The following OTUD7A variants were observed in gnomAD, a reference collection of about 807,000 sequenced individuals.
OTUD7A encodes OTU domain-containing protein 7A.
A neutral mutation model predicts 65.7 loss-of-function variants in OTUD7A; 12 were observed. That is an observed-to-expected ratio of 0.18 (90% CI 0.12 to 0.30). The LOEUF (loss-of-function observed/expected upper bound fraction) is 0.30. Ranked by LOEUF, OTUD7A falls within the 10% of genes least tolerant of loss-of-function variation. The pLI, the probability that OTUD7A is intolerant of heterozygous loss-of-function variation, is 1.00. For missense variants in OTUD7A, 1,148 were observed against 1,304.8 expected (o/e 0.88, Z 1.85); for synonymous variants, 641 against 586.3 (o/e 1.09, Z -1.35).
At chr15:31,773,278 A>G (rs539532180) in intron 1 of OTUD7A, among the ~76,000 whole-genome samples, 2 of 152,292 alleles carry the variant, frequency 1.3e-5, no homozygotes, top group East Asian at 3.9e-4. Context: ...CACTCAGTCT[A>G]GTTAGTTCAG....
intron 3 of OTUD7A, among the ~76,000 whole-genome samples, chr15:31,626,898 TG>T (rs1408454809): frequency 6.9e-6 from 1 of 144,624 alleles, no homozygotes; most frequent in Non-Finnish European, 1.5e-5. Flanking sequence ...TTTTTTGTTT[TG>T]TTTTTTTGTT....
At chr15:31,535,132 G>C (rs1250461692) in intron 5 of OTUD7A, among the ~76,000 whole-genome samples, 1 of 152,186 alleles carries the variant, frequency 6.6e-6, no homozygotes, top group Non-Finnish European at 1.5e-5. Context: ...TCTGATATCG[G>C]TTTGGCTCTG....
intron 3 of OTUD7A, among the ~76,000 whole-genome samples, chr15:31,620,059 T>C (rs942261511): frequency 6.6e-6 from 1 of 152,236 alleles, no homozygotes; most frequent in Non-Finnish European, 1.5e-5. Context: ...GTTTATATGC[T>C]GGATTACATT....
intron 1 of OTUD7A, among the ~76,000 whole-genome samples, chr15:31,679,900 A>T (rs1190754033): frequency 1.3e-5 from 2 of 152,334 alleles, no homozygotes; most frequent in African/African-American, 2.4e-5. Context: ...ACAGAATAAG[A>T]AGTTCTGGAA....
rs540798683 is a variant in OTUD7A at position 31,722,581 on chromosome 15, C to A, written c.-99-65504G>T. On this transcript the variant is annotated intron_variant, in intron 1 of 12. Coordinates refer to ENST00000307050, the MANE Select transcript of OTUD7A (RefSeq NM_001382637.1). ...CCTGTCAGGGAGACGAGGTTCATCA[C>A]AGAAAGAGGTCTGGGGATGCTGGTT... Among the ~76,000 whole-genome samples, 11 of 152,354 alleles carry A rather than the reference C, an allele frequency of 7.2e-5. No homozygotes were observed. In the South Asian group the frequency reaches 1.7e-3, roughly 23 times the overall value.
intron 1 of OTUD7A, among the ~76,000 whole-genome samples, chr15:31,802,093 G>C (rs1896140804): frequency 1.5e-5 from 1 of 67,800 alleles, no homozygotes; most frequent in African/African-American, 5.0e-5. Flanking sequence ...ATATATATGT[G>C]TGTGTATATA....
chr15:31,812,029 G>A (rs150031165), intron 1 of OTUD7A, among the ~76,000 whole-genome samples: 39 of 152,336 alleles, frequency 2.6e-4, no homozygotes, highest in African/African-American at 8.2e-4. Flanking sequence ...AGCCTTCCCA[G>A]GGATGGGGCA....
rs2041091441 is a variant in OTUD7A, at chr15:31,479,924, AT to A, written c.*3369del. On this transcript the variant is annotated 3_prime_UTR_variant, in exon 13 of 13. Coordinates refer to ENST00000307050, the MANE Select transcript of OTUD7A (RefSeq NM_001382637.1). The stretch of plus-strand genomic sequence containing the variant: ...GTAATTTAGTGAATACAAAGTATTC[AT>A]TTAAGAGGAAAGGTGCAGTACCAAA... The A allele has an allele frequency of 1.3e-5, 2 of 152,254 alleles. No homozygotes were observed. The highest frequency in any genetic ancestry group is 1.9e-4 in the East Asian group (1 of 5,204). 9.4% of individuals were successfully genotyped at this position (152,254 alleles called of 1,614,324 possible).
intron 1 of OTUD7A, among the ~76,000 whole-genome samples, chr15:31,787,010 G>T (rs990220406): frequency 6.6e-6 from 1 of 152,210 alleles, no homozygotes; most frequent in Non-Finnish European, 1.5e-5. Context: ...TCTTAGTGGA[G>T]ACACTGAAAG....
chr15:31,701,435 A>T (rs1258720642), intron 1 of OTUD7A, among the ~76,000 whole-genome samples: 1 of 151,822 alleles, frequency 6.6e-6, no homozygotes, highest in Non-Finnish European at 1.5e-5. Flanking sequence ...TAAAAAGTTT[A>T]AAAAGATGAC....
chr15:31,851,843 GTT>G (rs1411205465), intron 1 of OTUD7A, among the ~76,000 whole-genome samples: 4 of 152,214 alleles, frequency 2.6e-5, no homozygotes, highest in African/African-American at 2.4e-5. Flanking sequence ...GCCATTTTGT[GTT>G]TTGTTTGTTT....
Position 31,559,193 on chromosome 15 carries a change from G to T in OTUD7A, c.332-6C>A. ...CCCCCGGGAAAGCCGCTTTTCTGCA[G>T]GGGGAGAAGGAAAGATAGCCCCAAG... On this transcript the variant is annotated splice_polypyrimidine_tract_variant and splice_region_variant and intron_variant, in intron 4 of 12. Transcript: ENST00000307050. The T allele has an allele frequency of 6.2e-7, 1 of 1,611,612 alleles. No homozygotes were observed. The highest frequency in any genetic ancestry group is 1.3e-5 in the African/African-American group (1 of 75,022).
At chr15:31,553,179 A>C (rs1044389804) in intron 5 of OTUD7A, among the ~76,000 whole-genome samples, 63 of 151,780 alleles carry the variant, frequency 4.2e-4, no homozygotes, top group Admixed American at 2.0e-4. Context: ...AACACCTTCC[A>C]CCCTGGGCGT....
intron 3 of OTUD7A, among the ~76,000 whole-genome samples, chr15:31,633,560 C>T (rs143888697): frequency 6.6e-6 from 1 of 152,268 alleles, no homozygotes; most frequent in East Asian, 1.9e-4. Flanking sequence ...CAGAGATGTG[C>T]CTTATATAGC....
chr15:31,717,461 A>G (rs922453261), intron 1 of OTUD7A, among the ~76,000 whole-genome samples: 44 of 151,426 alleles, frequency 2.9e-4, no homozygotes, highest in African/African-American at 1.1e-3. Context: ...TCATTGTTCA[A>G]CTCCCACTTA....
At chr15:31,540,036 C>T (rs751795530) in intron 5 of OTUD7A, among the ~76,000 whole-genome samples, 3 of 152,100 alleles carry the variant, frequency 2.0e-5, no homozygotes, top group Non-Finnish European at 2.9e-5. Flanking sequence ...ATATTTTGGG[C>T]GAATCTAACT....
At chr15:31,541,707 C>T (rs1012289066) in intron 5 of OTUD7A, among the ~76,000 whole-genome samples, 2 of 152,122 alleles carry the variant, frequency 1.3e-5, no homozygotes, top group African/African-American at 2.4e-5. Context: ...CAACTGCCAA[C>T]GAGTGAAGAC....
chr15:31,511,829 G>T (rs903330365), intron 8 of OTUD7A, among the ~76,000 whole-genome samples: 1 of 148,376 alleles, frequency 6.7e-6, no homozygotes. Context: ...CTCCCCCATG[G>T]GGATTTCTCA....
chr15:31,819,977 A>G (rs992929910), intron 1 of OTUD7A, among the ~76,000 whole-genome samples: 5 of 152,184 alleles, frequency 3.3e-5, no homozygotes, highest in Admixed American at 6.5e-5. Flanking sequence ...TATCATTCAC[A>G]TGGCAACTAA....
Sources: allele counts gnomAD v4.1 joint callset (sites outside exome capture counted in the v4.1 genomes callset), GRCh38; gene constraint gnomAD v4.1.1; transcripts MANE v1.5; gene names NCBI Gene and HGNC (gene_info 2026-07-23, HGNC 2026-07-21).